The following PRKACB variants were observed in gnomAD, a reference collection of about 807,000 sequenced individuals.
PRKACB encodes the protein protein kinase cAMP-activated catalytic subunit beta.
A neutral mutation model predicts 51.4 loss-of-function variants in PRKACB; 16 were observed. That is an observed-to-expected ratio of 0.31 (90% CI 0.21 to 0.47). The LOEUF (loss-of-function observed/expected upper bound fraction) is 0.47. Among genes scored for constraint, PRKACB ranks in the 20% least tolerant of loss-of-function variants. The pLI, the probability that PRKACB is intolerant of heterozygous loss-of-function variation, is 1.00. For missense variants in PRKACB, 309 were observed against 464.5 expected (o/e 0.67, Z 3.08); for synonymous variants, 147 against 154.4 (o/e 0.95, Z 0.35).
In PRKACB at chr1:84,200,292, A is replaced by G. The variant is rs191181356; in HGVS notation, c.784-2391A>G. 1.6e-3 allele frequency among the ~76,000 whole-genome samples: 245 copies of G among 152,106 alleles called. 1 individual carries two copies. Among genetic ancestry groups the G allele is most frequent in the Non-Finnish European group, 1.8e-3 (124 of 67,992 alleles). On this transcript the variant is annotated intron_variant, in intron 7 of 9. Coordinates refer to ENST00000370685, the MANE Select transcript of PRKACB (RefSeq NM_182948.4). ...TGGCCGCATGTATGTCTTGTTTTAG[A>G]AAGTGTCAGTTCATGTCCTTTGCCC...
At chr1:84,131,827 G>A (rs1652246972) in intron 1 of PRKACB, among the ~76,000 whole-genome samples, 1 of 152,222 alleles carries the variant, frequency 6.6e-6, no homozygotes, top group African/African-American at 2.4e-5. Context: ...TCTGGGAGCA[G>A]CAGTCTTAGG....
chr1:84,150,032 A>T (rs1654634923), intron 1 of PRKACB, among the ~76,000 whole-genome samples: 1 of 152,176 alleles, frequency 6.6e-6, no homozygotes, highest in South Asian at 2.1e-4. Context: ...TGGGAGGCTG[A>T]GGTGGGCAGA....
chr1:84,176,601 T>A (rs1661354975), intron 1 of PRKACB, among the ~76,000 whole-genome samples: 1 of 117,958 alleles, frequency 8.5e-6, no homozygotes, highest in Non-Finnish European at 2.2e-5. Flanking sequence ...GATATTTTTA[T>A]ATGAAAAAAA....
At chr1:84,172,153 T>A (rs1383697048) in intron 1 of PRKACB, among the ~76,000 whole-genome samples, 1 of 151,620 alleles carries the variant, frequency 6.6e-6, no homozygotes, top group East Asian at 1.9e-4. Flanking sequence ...ATGCTACCAT[T>A]TACTGAGTCA....
At chr1:84,164,351 TG>T in intron 1 of PRKACB, 1 of 1,552,848 alleles carries the variant, frequency 6.4e-7, no homozygotes, top group Non-Finnish European at 8.7e-7. Context: ...CAGTAAGAGC[TG>T]GTGTAATTGA....
chr1:84,119,977 G>A (rs1427554956), intron 1 of PRKACB, among the ~76,000 whole-genome samples: 1 of 151,994 alleles, frequency 6.6e-6, no homozygotes, highest in Non-Finnish European at 1.5e-5. Flanking sequence ...TTACAAGAAA[G>A]TACCCCACCT....
chr1:84,124,461 A>T (rs182462418), intron 1 of PRKACB, among the ~76,000 whole-genome samples: 2 of 152,316 alleles, frequency 1.3e-5, no homozygotes, highest in East Asian at 3.9e-4. Context: ...TGAGGTTTTC[A>T]GGTTATTATC....
At chr1:84,119,546 C>T (rs1650890541) in intron 1 of PRKACB, among the ~76,000 whole-genome samples, 1 of 152,038 alleles carries the variant, frequency 6.6e-6, no homozygotes, top group Non-Finnish European at 1.5e-5. Context: ...TCAACTTCTA[C>T]CCAAAAAGAG....
At chr1:84,233,263 G>A (rs1220229858) in intron 9 of PRKACB, among the ~76,000 whole-genome samples, 1 of 152,084 alleles carries the variant, frequency 6.6e-6, no homozygotes, top group Admixed American at 6.5e-5. Flanking sequence ...CTGGCTTGTA[G>A]AGTTTCTGCC....
intron 1 of PRKACB, among the ~76,000 whole-genome samples, chr1:84,162,266 G>C (rs566926040): frequency 2.0e-4 from 31 of 151,960 alleles, no homozygotes; most frequent in Non-Finnish European, 3.4e-4. Flanking sequence ...TCTCAGTGTG[G>C]ATCTTTTGGG....
intron 1 of PRKACB, chr1:84,086,121 T>C (rs1193346348): frequency 1.3e-6 from 2 of 1,551,934 alleles, no homozygotes; most frequent in Non-Finnish European, 1.8e-6. Flanking sequence ...GAGTATGAGG[T>C]GTTGGTGGTG....
chr1:84,117,742 A>G (rs781394257), intron 1 of PRKACB, among the ~76,000 whole-genome samples: 8 of 152,184 alleles, frequency 5.3e-5, no homozygotes, highest in Non-Finnish European at 8.8e-5. Flanking sequence ...TCAAAGAACT[A>G]AACTTTTGTT....
At chr1:84,147,918 C>T (rs1278730231) in intron 1 of PRKACB, among the ~76,000 whole-genome samples, 1 of 152,004 alleles carries the variant, frequency 6.6e-6, no homozygotes, top group African/African-American at 2.4e-5. Context: ...AGTGGGGAGC[C>T]AATGCAGTTT....
intron 1 of PRKACB, among the ~76,000 whole-genome samples, chr1:84,115,283 T>C (rs1295265035): frequency 1.3e-5 from 2 of 152,078 alleles, no homozygotes; most frequent in Non-Finnish European, 2.9e-5. Flanking sequence ...TCTCTGATGA[T>C]TAGTGATGTT....
chr1:84,112,444 C>G (rs973016218), intron 1 of PRKACB, among the ~76,000 whole-genome samples: 1 of 151,842 alleles, frequency 6.6e-6, no homozygotes, highest in African/African-American at 2.4e-5. Flanking sequence ...ACCATGTTGG[C>G]CAGGCTGGTC....
At chr1:84,191,318 AT>A (rs987898845) in intron 5 of PRKACB, among the ~76,000 whole-genome samples, 3 of 151,870 alleles carry the variant, frequency 2.0e-5, no homozygotes, top group East Asian at 3.9e-4. Context: ...CTTAGATGGA[AT>A]TTTTTTTCTT....
chr1:84,232,509 G>T (rs1675879239), intron 9 of PRKACB, among the ~76,000 whole-genome samples: 1 of 152,078 alleles, frequency 6.6e-6, no homozygotes, highest in Admixed American at 6.6e-5. Context: ...GTTGACAGTG[G>T]GGTGTTAAAG....
intron 2 of PRKACB, chr1:84,181,775 A>G (rs1244173414): frequency 1.5e-6 from 2 of 1,364,344 alleles, no homozygotes; most frequent in African/African-American, 1.5e-5. Context: ...TCTATTCATT[A>G]CAGTTATTTG....
chr1:84,139,728 A>C (rs1425845731), upstream of PRKACB, among the ~76,000 whole-genome samples: 1 of 152,194 alleles, frequency 6.6e-6, no homozygotes, highest in Admixed American at 6.5e-5. Context: ...TTATATGGAA[A>C]GGTGAAGAAA....
Sources: allele counts gnomAD v4.1 joint callset (sites outside exome capture counted in the v4.1 genomes callset), GRCh38; gene constraint gnomAD v4.1.1; transcripts MANE v1.5; gene names NCBI Gene and HGNC (gene_info 2026-07-23, HGNC 2026-07-21).